The following SLC4A10 variants were observed in gnomAD, a reference collection of about 807,000 sequenced individuals.
SLC4A10 encodes solute carrier family 4 member 10.
In SLC4A10, 42 loss-of-function variants were observed where a neutral mutation model predicts 137.7. That is an observed-to-expected ratio of 0.30 (90% CI 0.24 to 0.39). The LOEUF is 0.39. Among genes scored for constraint, SLC4A10 ranks in the 10% least tolerant of loss-of-function variants. The pLI, the probability that SLC4A10 is intolerant of heterozygous loss-of-function variation, is 1.00. For missense variants in SLC4A10, 925 were observed against 1,355.0 expected, an observed-to-expected ratio of 0.68 and a Z score of 4.98; for synonymous variants, 474 against 464.1, an observed-to-expected ratio of 1.02 and a Z score of -0.27.
At chr2:161,791,052 G>A (rs370667158) in intron 2 of SLC4A10, among the ~76,000 whole-genome samples, 12 of 152,314 alleles carry the variant, frequency 7.9e-5, no homozygotes, top group East Asian at 3.9e-4. Context: ...GTGGAAGACA[G>A]TGTGGCAATT....
At chr2:161,663,507 T>C (rs1000263696) in intron 1 of SLC4A10, among the ~76,000 whole-genome samples, 2 of 152,156 alleles carry the variant, frequency 1.3e-5, no homozygotes, top group South Asian at 2.1e-4. Flanking sequence ...TTGCACCACA[T>C]TGGAATGTAA....
chr2:161,693,470 A>T (rs2042193232), intron 1 of SLC4A10, among the ~76,000 whole-genome samples: 1 of 152,020 alleles, frequency 6.6e-6, no homozygotes, highest in Non-Finnish European at 1.5e-5. Context: ...TGTGCTCATA[A>T]CAAGATCTCA....
intron 3 of SLC4A10, among the ~76,000 whole-genome samples, chr2:161,805,092 G>A (rs2055797170): frequency 6.6e-6 from 1 of 152,138 alleles, no homozygotes; most frequent in Non-Finnish European, 1.5e-5. Context: ...CAATTATGGT[G>A]GAAGGCAAGG....
At chr2:161,818,034 G>A (rs2057262468) in intron 3 of SLC4A10, among the ~76,000 whole-genome samples, 1 of 152,132 alleles carries the variant, frequency 6.6e-6, no homozygotes, top group African/African-American at 2.4e-5. Flanking sequence ...TTGGTAGCTT[G>A]ATGGGGATGG....
chr2:161,637,200 GAA>G (rs2034581221), intron 1 of SLC4A10, among the ~76,000 whole-genome samples: 1 of 149,600 alleles, frequency 6.7e-6, no homozygotes, highest in Non-Finnish European at 1.5e-5. Flanking sequence ...GAGAGAGAGA[GAA>G]AGAGAGAGAG....
At chr2:161,870,238 A>G (rs1175351783) in intron 6 of SLC4A10, among the ~76,000 whole-genome samples, 2 of 151,576 alleles carry the variant, frequency 1.3e-5, no homozygotes, top group African/African-American at 4.8e-5. Flanking sequence ...GCTGAAGGTA[A>G]TTTATGAAAT....
intron 1 of SLC4A10, among the ~76,000 whole-genome samples, chr2:161,691,320 G>C (rs948954807): frequency 2.0e-5 from 3 of 149,290 alleles, no homozygotes; most frequent in African/African-American, 7.4e-5. Flanking sequence ...GGCTGGGAAG[G>C]GTAGGTGGGG....
chr2:161,723,085 G>T (rs181094347), intron 1 of SLC4A10, among the ~76,000 whole-genome samples: 1 of 152,110 alleles, frequency 6.6e-6, no homozygotes, highest in African/African-American at 2.4e-5. Flanking sequence ...CCCTCAGTTC[G>T]TCTTAGGCAC....
intron 9 of SLC4A10, among the ~76,000 whole-genome samples, 157 bp from the exon 10 acceptor site, chr2:161,882,200 A>T (rs149291313): frequency 1.3e-5 from 2 of 152,084 alleles, no homozygotes; most frequent in African/African-American, 4.8e-5. Context: ...CAATCATGGT[A>T]AAATTTTTCA....
intron 3 of SLC4A10, among the ~76,000 whole-genome samples, chr2:161,821,065 G>T (rs918892360): frequency 2.6e-5 from 4 of 151,962 alleles, no homozygotes; most frequent in Admixed American, 6.6e-5. Flanking sequence ...TATGCCTTTG[G>T]CCATTTGGAT....
At chr2:161,901,475 C>T (rs530979688) in intron 12 of SLC4A10, among the ~76,000 whole-genome samples, 1 of 152,238 alleles carries the variant, frequency 6.6e-6, no homozygotes, top group Non-Finnish European at 1.5e-5. Flanking sequence ...TCTAATCACA[C>T]ATCTTTGAAG....
intron 1 of SLC4A10, among the ~76,000 whole-genome samples, chr2:161,704,895 C>T (rs2043491764): frequency 6.6e-6 from 1 of 151,540 alleles, no homozygotes; most frequent in Non-Finnish European, 1.5e-5. Flanking sequence ...TGCCTTCAGA[C>T]AGGAAATACT....
chr2:161,839,517 T>C (rs2059042723), intron 3 of SLC4A10, among the ~76,000 whole-genome samples: 1 of 151,976 alleles, frequency 6.6e-6, no homozygotes, highest in Non-Finnish European at 1.5e-5. Flanking sequence ...TCCAAAATAA[T>C]AATCATATTT....
intron 1 of SLC4A10, among the ~76,000 whole-genome samples, chr2:161,656,466 T>C (rs1818547): frequency 0.87 from 132,636 of 152,140 alleles, 58,434 homozygotes; most frequent in East Asian, 1. Flanking sequence ...AATGACATCA[T>C]TTATCTATTG....
chr2:161,726,005 A>C (rs1235284616), intron 1 of SLC4A10, among the ~76,000 whole-genome samples: 1 of 152,216 alleles, frequency 6.6e-6, no homozygotes, highest in African/African-American at 2.4e-5. Context: ...TGTGTCTTTT[A>C]ATTCAGTATT....
At chr2:161,777,873 G>A (rs1022340631) in intron 2 of SLC4A10, among the ~76,000 whole-genome samples, 3 of 151,916 alleles carry the variant, frequency 2.0e-5, no homozygotes, top group Non-Finnish European at 4.4e-5. Flanking sequence ...TGAAGTTTAA[G>A]TTTTTGATTC....
intron 1 of SLC4A10, among the ~76,000 whole-genome samples, chr2:161,679,276 T>A (rs558122647): frequency 6.6e-6 from 1 of 152,300 alleles, no homozygotes; most frequent in Non-Finnish European, 1.5e-5. Context: ...ATGCACTTAT[T>A]GCTGGCCCAT....
chr2:161,738,922 A>G (rs1465927627), intron 1 of SLC4A10, among the ~76,000 whole-genome samples: 4 of 152,200 alleles, frequency 2.6e-5, no homozygotes, highest in Non-Finnish European at 4.4e-5. Context: ...CTCTCAGGCA[A>G]TATATAGCTA....
At chr2:161,952,777 A>G (rs1695024450) in intron 19 of SLC4A10, among the ~76,000 whole-genome samples, 1 of 152,150 alleles carries the variant, frequency 6.6e-6, no homozygotes, top group Non-Finnish European at 1.5e-5. Context: ...TTGGGCCTAT[A>G]ACTCTTGTCT....
Sources: allele counts gnomAD v4.1 joint callset (sites outside exome capture counted in the v4.1 genomes callset), GRCh38; gene constraint gnomAD v4.1.1; transcripts MANE v1.5; gene names NCBI Gene and HGNC (gene_info 2026-07-23, HGNC 2026-07-21).